Variants in DPP10 observed in about 807,000 individuals in gnomAD.
DPP10 encodes inactive dipeptidyl peptidase 10.
DPP10 carries 33 observed loss-of-function variants against 120.9 expected under a neutral mutation model. The observed-to-expected ratio is 0.27, with a 90% CI of 0.21 to 0.37. DPP10 has a LOEUF of 0.37. Among genes scored for constraint, DPP10 ranks in the 10% least tolerant of loss-of-function variants. The pLI is 1.00. For missense variants in DPP10, 816 were observed against 942.8 expected (o/e 0.87, Z 1.76); for synonymous variants, 337 against 326.1 (o/e 1.03, Z -0.36).
chr2:114,581,174 T>C (rs1690483248), intron 1 of DPP10, among the ~76,000 whole-genome samples: 2 of 4,896 alleles, frequency 4.1e-4, no homozygotes, highest in Non-Finnish European at 1.5e-3. Flanking sequence ...TTTTCTTCTC[T>C]TTTTTTTTTT....
intron 1 of DPP10, among the ~76,000 whole-genome samples, chr2:114,564,535 T>A (rs966470729): frequency 6.6e-6 from 1 of 152,160 alleles, no homozygotes; most frequent in Admixed American, 6.5e-5. Flanking sequence ...ACCCGGCAGA[T>A]CACAGGCCTT....
chr2:115,629,684 G>A (rs1411590004), intron 5 of DPP10, among the ~76,000 whole-genome samples: 1 of 152,098 alleles, frequency 6.6e-6, no homozygotes, highest in East Asian at 1.9e-4. Context: ...GCTTGTTTTT[G>A]TCAGGTTTGT....
intron 1 of DPP10, among the ~76,000 whole-genome samples, chr2:114,581,855 G>T (rs1261309785): frequency 6.6e-6 from 1 of 152,174 alleles, no homozygotes; most frequent in Non-Finnish European, 1.5e-5. Context: ...CACACAGGGA[G>T]TATGCATATA....
At chr2:115,314,364 C>T (rs547600099) in intron 2 of DPP10, among the ~76,000 whole-genome samples, 27 of 152,250 alleles carry the variant, frequency 1.8e-4, no homozygotes, top group Admixed American at 7.2e-4. Context: ...AAGGGTAAAA[C>T]GGGAAAGCAC....
At chr2:115,334,230 G>GTTT in intron 2 of DPP10, among the ~76,000 whole-genome samples, 7,536 of 56,408 alleles carry the variant, frequency 0.13, 1,985 homozygotes, top group South Asian at 0.22. Flanking sequence ...AGCAGACTCT[G>GTTT]TTTTTTTTTT....
intron 3 of DPP10, among the ~76,000 whole-genome samples, chr2:115,387,031 C>T (rs541880629): frequency 2.6e-5 from 4 of 152,024 alleles, no homozygotes; most frequent in East Asian, 3.9e-4. Flanking sequence ...CTTTCTTTTC[C>T]GTTTTGAATG....
chr2:114,960,068 G>A (rs1698497016), intron 1 of DPP10, among the ~76,000 whole-genome samples: 1 of 152,028 alleles, frequency 6.6e-6, no homozygotes, highest in African/African-American at 2.4e-5. Flanking sequence ...GCTAAGCAAT[G>A]TTCATCTTAT....
rs188291733 is a variant in DPP10, at chr2:114,944,773, G to A, written c.61-364466G>A. ...AAAATAAATATTGAGGTTGAAGGAC[G>A]TTTAATAGCTACAGGATTTTTTTTG... On this transcript the variant is annotated intron_variant, in intron 1 of 25. Transcript: ENST00000410059. 2.1e-4 allele frequency among the ~76,000 whole-genome samples: 32 copies of A among 152,238 alleles called. 1 individual carries two copies. The Middle Eastern group carries it at 0.017, about 81-fold the overall frequency.
At chr2:115,066,905 TA>T (rs1342675350) in intron 1 of DPP10, 1 of 152,236 alleles carries the variant, frequency 6.6e-6, no homozygotes, top group African/African-American at 2.4e-5. Context: ...CAGGTTTACA[TA>T]TTTTTTTTGT....
Position 114,663,668 on chromosome 2 carries a change from T to TATATATAGAGAGAGAGAGAGAG in DPP10, c.60+220831_60+220832insTATATAGAGAGAGAGAGAGAGA. On this transcript the variant is annotated intron_variant, in intron 1 of 25. Coordinates refer to ENST00000410059, the MANE Select transcript of DPP10 (RefSeq NM_020868.6). Reference sequence around the variant, plus strand: ...ATATATATATATATATATATATATATAGAGAGAGAGAGAGAGAGAGAGAGA... The same window carrying TATATATAGAGAGAGAGAGAGAG: ...ATATATATATATATATATATATATATATATATAGAGAGAGAGAGAGAGAGAGAGAGAGAGAGAGAGAGAGAGA... Among the ~76,000 whole-genome samples the TATATATAGAGAGAGAGAGAGAG allele has an allele frequency of 7.9e-4, 64 of 80,680 alleles. 1 individual carries two copies. The highest frequency in any genetic ancestry group is 4.1e-3 in the African/African-American group (44 of 10,626). The allele number at this position is 80,680 out of a possible 152,430, so 52.9% of individuals were successfully genotyped here.
intron 1 of DPP10, among the ~76,000 whole-genome samples, chr2:114,517,549 T>C (rs1446751320): frequency 6.6e-6 from 1 of 152,028 alleles, no homozygotes; most frequent in East Asian, 1.9e-4. Flanking sequence ...TTGTCTGTCT[T>C]CATGGTAAGA....
At chr2:115,778,493 C>T (rs569854208) in intron 15 of DPP10, among the ~76,000 whole-genome samples, 1 of 152,214 alleles carries the variant, frequency 6.6e-6, no homozygotes, top group East Asian at 1.9e-4. Context: ...AGAGCTTTCA[C>T]CAGGATCTCA....
chr2:115,135,849 T>G (rs2050624925), intron 1 of DPP10, among the ~76,000 whole-genome samples: 1 of 152,168 alleles, frequency 6.6e-6, no homozygotes. Context: ...AAAGCAAGTT[T>G]CCTCATGGTT....
intron 1 of DPP10, among the ~76,000 whole-genome samples, chr2:114,529,415 T>C (rs745625218): frequency 3.9e-5 from 6 of 152,234 alleles, no homozygotes; most frequent in Non-Finnish European, 8.8e-5. Context: ...TCCAAGGGGA[T>C]CTTGTTGATC....
chr2:114,986,776 T>G lies in DPP10; in HGVS notation c.61-322463T>G, dbSNP rs13433037. 7.4e-3 allele frequency among the ~76,000 whole-genome samples: 1,119 copies of G among 152,202 alleles called. 16 individuals are homozygous for G. Among genetic ancestry groups the G allele is most frequent in the African/African-American group, 0.025 (1,048 of 41,522 alleles). On this transcript the variant is annotated intron_variant, in intron 1 of 25. Coordinates refer to ENST00000410059, the MANE Select transcript of DPP10 (RefSeq NM_020868.6). ...ATTGTTGTAGGACAGGTTTTTTTGT[T>G]TGTTCTTTTCTCAGGATGGAGTCTC... is the stretch of plus-strand genomic sequence containing the variant.
chr2:115,501,793 C>T (rs2076695578), intron 4 of DPP10, among the ~76,000 whole-genome samples: 1 of 151,976 alleles, frequency 6.6e-6, no homozygotes, highest in African/African-American at 2.4e-5. Flanking sequence ...TTCAAAATGG[C>T]ATTATTTAAT....
chr2:114,842,223 A>G (rs1313052967), intron 1 of DPP10, among the ~76,000 whole-genome samples: 3 of 152,080 alleles, frequency 2.0e-5, no homozygotes, highest in Admixed American at 1.3e-4. Flanking sequence ...TTTGACAACA[A>G]TTATGTCTTA....
intron 5 of DPP10, among the ~76,000 whole-genome samples, chr2:115,600,797 A>G (rs2083276262): frequency 6.6e-6 from 1 of 152,190 alleles, no homozygotes. Flanking sequence ...TCAGTTGAAT[A>G]TTTCTGTTTG....
At chr2:114,477,960 T>C (rs1341651759) in intron 1 of DPP10, among the ~76,000 whole-genome samples, 9 of 148,238 alleles carry the variant, frequency 6.1e-5, no homozygotes, top group South Asian at 2.1e-4. Context: ...TATATGTGTG[T>C]ATATGTATAT....
Sources: allele counts gnomAD v4.1 joint callset (sites outside exome capture counted in the v4.1 genomes callset), GRCh38; gene constraint gnomAD v4.1.1; transcripts MANE v1.5; gene names NCBI Gene and HGNC (gene_info 2026-07-23, HGNC 2026-07-21).